PTPN14: variants seen among roughly 807,000 people sequenced by gnomAD.
PTPN14 encodes protein tyrosine phosphatase non-receptor type 14.
Under a neutral mutation model 126.8 loss-of-function variants are expected in PTPN14, and 53 were observed. The observed-to-expected ratio is 0.42, with a 90% CI of 0.34 to 0.53. The LOEUF (loss-of-function observed/expected upper bound fraction) is 0.53, where lower values mean the gene tolerates loss of function less well. PTPN14 is among the 20% of genes least tolerant of loss of function. The pLI is 0.08. For synonymous variants in PTPN14, 630 were observed against 599.3 expected, an observed-to-expected ratio of 1.05 and a Z score of -0.75; for missense variants, 1,257 against 1,552.9, an observed-to-expected ratio of 0.81 and a Z score of 3.20.
At position 214,386,315 on chromosome 1, in the gene PTPN14, A is replaced by T. The variant is rs534873212; in HGVS notation, c.1066+529T>A. On this transcript the variant is annotated intron_variant, in intron 12 of 18. Coordinates refer to ENST00000366956, the MANE Select transcript of PTPN14 (RefSeq NM_005401.5). ...AGCTTTTTCACACATTTTGCATGGG[A>T]GATGTTTTGGGAGAAAGAGAGGAAT... Among the ~76,000 whole-genome samples, 281 of 152,268 alleles carry T rather than the reference A, an allele frequency of 1.8e-3. 1 individual carries two copies. Among genetic ancestry groups the T allele is most frequent in the African/African-American group, 6.5e-3 (271 of 41,556 alleles).
At chr1:214,440,338 A>C (rs2102619642) in intron 3 of PTPN14, among the ~76,000 whole-genome samples, 1 of 152,318 alleles carries the variant, frequency 6.6e-6, no homozygotes, top group South Asian at 2.1e-4. Context: ...TCTTTCTCAA[A>C]TAGGCTGTGT....
At position 214,352,489 on chromosome 1, in the gene PTPN14, G is replaced by C. The variant is rs1452735909; in HGVS notation, c.*5433C>G. ...TCTGGACAACACATTTGAGGTGGCA[G>C]AATTTGATGAGATTTCCCCCACATT... On this transcript the variant is annotated 3_prime_UTR_variant, in exon 19 of 19. Coordinates refer to ENST00000366956, the MANE Select transcript of PTPN14 (RefSeq NM_005401.5). The C allele has an allele frequency of 1.2e-4, 19 of 152,236 alleles. No individual in the cohort carries two copies. The highest frequency in any genetic ancestry group is 1.2e-3 in the Admixed American group (19 of 15,280). The allele number at this position is 152,236 out of a possible 1,614,324, so 9.4% of individuals were successfully genotyped here.
chr1:214,377,723 G>A (rs1464890390), intron 14 of PTPN14, among the ~76,000 whole-genome samples: 1 of 152,048 alleles, frequency 6.6e-6, no homozygotes, highest in Non-Finnish European at 1.5e-5. Flanking sequence ...AGGGGCTGAT[G>A]GTTTTAGTCA....
At chr1:214,473,408 T>G (rs1572022500) in intron 1 of PTPN14, among the ~76,000 whole-genome samples, 1 of 152,270 alleles carries the variant, frequency 6.6e-6, no homozygotes, top group East Asian at 1.9e-4. Context: ...GTCACCGCAC[T>G]TTCTTTTTAG....
intron 5 of PTPN14, among the ~76,000 whole-genome samples, chr1:214,405,327 G>A (rs760365411): frequency 2.6e-5 from 4 of 151,948 alleles, no homozygotes; most frequent in African/African-American, 7.3e-5. Flanking sequence ...GTGTATACTC[G>A]TCTTATCCTT....
intron 1 of PTPN14, among the ~76,000 whole-genome samples, chr1:214,541,610 T>C (rs1407288552): frequency 6.6e-6 from 1 of 152,148 alleles, no homozygotes; most frequent in Non-Finnish European, 1.5e-5. Flanking sequence ...GTGACTTGGG[T>C]AACAGATGTT....
intron 1 of PTPN14, among the ~76,000 whole-genome samples, chr1:214,506,861 G>C (rs1459389254): frequency 6.6e-6 from 1 of 151,392 alleles, no homozygotes; most frequent in Admixed American, 6.6e-5. Context: ...AGAATGTCTC[G>C]GTGGCATGTG....
At chr1:214,387,290 T>C (rs1021895375) in intron 11 of PTPN14, among the ~76,000 whole-genome samples, 3 of 152,232 alleles carry the variant, frequency 2.0e-5, no homozygotes, top group African/African-American at 7.2e-5. Context: ...GGCAGGCAGA[T>C]TGACTGAGCT....
chr1:214,510,308 G>C (rs115649455), intron 1 of PTPN14, among the ~76,000 whole-genome samples: 1,758 of 152,174 alleles, frequency 0.012, 27 homozygotes, highest in African/African-American at 0.04. Context: ...TAATGAAAGC[G>C]TCTGACATAT....
Position 214,351,700 on chromosome 1 carries a change from C to T in PTPN14, c.*6222G>A, listed in dbSNP as rs1279354713. 6.6e-6 allele frequency: 1 copy of T among 152,226 alleles called. No homozygotes were observed. 9.4% of individuals were successfully genotyped at this position (152,226 alleles called of 1,614,324 possible). A position where few individuals can be genotyped will look rare whatever the true frequency, so the allele number is the denominator to read the frequency against. On this transcript the variant is annotated 3_prime_UTR_variant, in exon 19 of 19. Coordinates refer to ENST00000366956, the MANE Select transcript of PTPN14 (RefSeq NM_005401.5). ...ACCACACATCATAATCCATGACATT[C>T]ATCAAGCTCTACCTCAACAGTGAAG... is the stretch of plus-strand genomic sequence containing the variant.
chr1:214,377,325 A>T (rs1473666077), intron 14 of PTPN14, among the ~76,000 whole-genome samples: 1 of 152,204 alleles, frequency 6.6e-6, no homozygotes, highest in Non-Finnish European at 1.5e-5. Context: ...CTAAATGATA[A>T]GAATTTATGA....
At chr1:214,434,540 T>G (rs1659869440) in intron 3 of PTPN14, among the ~76,000 whole-genome samples, 1 of 151,448 alleles carries the variant, frequency 6.6e-6, no homozygotes. Context: ...AGGCATCCAA[T>G]GGTAGTAGAG....
rs958079992 is a variant in PTPN14, at chr1:214,355,960, T to A, written c.*1962A>T. 1.6e-4 allele frequency: 1 copy of A among 6,450 alleles called. No individual in the cohort carries two copies. Among genetic ancestry groups the A allele is most frequent in the African/African-American group, 4.7e-3 (1 of 212 alleles). The allele number at this position is 6,450 out of a possible 1,614,324, so 0.4% of individuals were successfully genotyped here. ...AGTTTTTCTTGACAACCTTTTTTCC[T>A]TTTTTTTTTTTTTTTTTGGAGGCAG... On this transcript the variant is annotated 3_prime_UTR_variant, in exon 19 of 19. Transcript: ENST00000366956.
At chr1:214,454,334 C>A (rs1441920572) in intron 2 of PTPN14, among the ~76,000 whole-genome samples, 3 of 152,166 alleles carry the variant, frequency 2.0e-5, no homozygotes, top group Admixed American at 2.0e-4. Flanking sequence ...TATAGAGGGC[C>A]ACAGTAACTG....
intron 13 of PTPN14, among the ~76,000 whole-genome samples, chr1:214,381,860 T>A (rs1368645232): frequency 1.3e-5 from 2 of 152,048 alleles, no homozygotes; most frequent in Non-Finnish European, 1.5e-5. Context: ...AGTTAATAGG[T>A]TTTTTTTAAA....
chr1:214,417,423 C>T (rs1320639173), intron 3 of PTPN14, among the ~76,000 whole-genome samples: 3 of 151,958 alleles, frequency 2.0e-5, no homozygotes, highest in African/African-American at 4.8e-5. Context: ...TCTCCTCATC[C>T]GATGGTAAGA....
At chr1:214,549,816 T>G (rs189620449) in intron 1 of PTPN14, among the ~76,000 whole-genome samples, 1 of 152,290 alleles carries the variant, frequency 6.6e-6, no homozygotes, top group African/African-American at 2.4e-5. Context: ...AGGGAGGCCT[T>G]GGCTCCTCGG....
intron 1 of PTPN14, chr1:214,532,611 T>C (rs905292105): frequency 8.6e-6 from 8 of 932,382 alleles, no homozygotes; most frequent in Non-Finnish European, 1.4e-5. Flanking sequence ...TCTTAGCAAA[T>C]ACTGTGGACA....
In PTPN14 at chr1:214,353,299, T is replaced by C. The variant is rs571411091; in HGVS notation, c.*4623A>G. ...TACTTTAAATCATCTCTAGATTATT[T>C]ACAATACCTAACTCAATGCCTACAC... On this transcript the variant is annotated 3_prime_UTR_variant, in exon 19 of 19. Coordinates refer to ENST00000366956, the MANE Select transcript of PTPN14 (RefSeq NM_005401.5). 1.2e-4 allele frequency: 19 copies of C among 152,386 alleles called. No homozygotes were observed. The East Asian group carries it at 3.5e-3, about 28-fold the overall frequency. The allele number at this position is 152,386 out of a possible 1,614,324, so 9.4% of individuals were successfully genotyped here.
Sources: gnomAD v4.1 joint callset for allele counts (sites outside exome capture counted in the v4.1 genomes callset) on GRCh38, gnomAD v4.1.1 for gene constraint, MANE v1.5 for transcripts, NCBI Gene and HGNC (gene_info 2026-07-23, HGNC 2026-07-21) for gene names.